KCNMB2: variants seen among roughly 807,000 people sequenced by gnomAD.
KCNMB2 encodes calcium-activated potassium channel subunit beta-2.
A neutral mutation model predicts 24.5 loss-of-function variants in KCNMB2; 9 were observed. That is an observed-to-expected ratio of 0.37 (90% confidence interval 0.22 to 0.64). The LOEUF (loss-of-function observed/expected upper bound fraction) is 0.64, where lower values mean the gene tolerates loss of function less well. Ranked by LOEUF, KCNMB2 falls within the 30% of genes least tolerant of loss-of-function variation. KCNMB2 has a pLI of 0.63. For missense variants in KCNMB2, 226 were observed against 284.3 expected, an observed-to-expected ratio of 0.79 and a Z score of 1.47; for synonymous variants, 109 against 104.4, an observed-to-expected ratio of 1.04 and a Z score of -0.27.
chr3:178,685,433 T>C (rs1467299620), intron 1 of KCNMB2, among the ~76,000 whole-genome samples: 1 of 152,204 alleles, frequency 6.6e-6, no homozygotes, highest in Non-Finnish European at 1.5e-5. Context: ...TGTTGTCTTA[T>C]AACATTAAGG....
At chr3:178,823,843 C>T (rs1414942235) in intron 2 of KCNMB2, among the ~76,000 whole-genome samples, 4 of 152,076 alleles carry the variant, frequency 2.6e-5, no homozygotes, top group Admixed American at 1.3e-4. Flanking sequence ...GCAACAAGAG[C>T]GATTAGCCAT....
intron 1 of KCNMB2, among the ~76,000 whole-genome samples, chr3:178,653,625 G>A (rs1720212562): frequency 2.0e-5 from 3 of 151,928 alleles, no homozygotes; most frequent in Admixed American, 1.3e-4. Context: ...TTCATCAAGT[G>A]TTTTTGATAT....
intron 1 of KCNMB2, among the ~76,000 whole-genome samples, chr3:178,756,800 G>A (rs946074856): frequency 1.3e-5 from 2 of 151,984 alleles, no homozygotes; most frequent in Non-Finnish European, 2.9e-5. Context: ...GGATTGCTTA[G>A]CATTGGGCTT....
chr3:178,751,573 C>CAAAAAAAA (rs61148761), intron 1 of KCNMB2, among the ~76,000 whole-genome samples: 5 of 47,712 alleles, frequency 1.0e-4, no homozygotes, highest in East Asian at 9.8e-4. Context: ...GACTCCGTCT[C>CAAAAAAAA]AAAAAAAAAA....
chr3:178,730,402 A>ACC (rs1723106700), intron 1 of KCNMB2, among the ~76,000 whole-genome samples: 3 of 73,478 alleles, frequency 4.1e-5, no homozygotes, highest in African/African-American at 1.9e-4. Context: ...ACTGTCCCCC[A>ACC]ACACCCCCCC....
At chr3:178,574,002 G>A (rs891375803) in intron 1 of KCNMB2, among the ~76,000 whole-genome samples, 1 of 152,102 alleles carries the variant, frequency 6.6e-6, no homozygotes, top group Non-Finnish European at 1.5e-5. Flanking sequence ...AGAAGCAAAT[G>A]GCATAATATA....
rs1277678939 is a variant in KCNMB2 at position 178,751,365 on chromosome 3, C to T, written c.-67-55978C>T. On this transcript the variant is annotated intron_variant, in intron 1 of 4. Coordinates refer to ENST00000452583, the MANE Select transcript of KCNMB2 (RefSeq NM_181361.3). ...AGAGGCCAAGGCAGGTGGATCACAA[C>T]GTCAGGAGTTTGAGACCAGCCTGGC... is the stretch of plus-strand genomic sequence containing the variant. 5.3e-5 allele frequency among the ~76,000 whole-genome samples: 8 copies of T among 151,732 alleles called. 1 individual carries two copies. The highest frequency in any genetic ancestry group is 4.6e-4 in the Admixed American group (7 of 15,216).
rs184336106 is a variant in KCNMB2 at position 178,742,670 on chromosome 3, C to T, written c.-67-64673C>T. ...CCCTGCACAGCAACAAGGCAGTCATCGGAGACCCCTTGTCAAAAAAATTCC... is the reference window on the plus strand; with the variant it reads ...CCCTGCACAGCAACAAGGCAGTCATTGGAGACCCCTTGTCAAAAAAATTCC... On this transcript the variant is annotated intron_variant, in intron 1 of 4. Transcript: ENST00000452583. 1.5e-3 allele frequency among the ~76,000 whole-genome samples: 222 copies of T among 152,104 alleles called. 2 individuals carry two copies. Among genetic ancestry groups the T allele is most frequent in the Non-Finnish European group, 2.5e-3 (173 of 68,022 alleles).
intron 1 of KCNMB2, among the ~76,000 whole-genome samples, chr3:178,680,253 T>G (rs1721221024): frequency 1.3e-5 from 2 of 152,104 alleles, no homozygotes; most frequent in Non-Finnish European, 2.9e-5. Context: ...AGAAGGACTG[T>G]GCCTTTTCCT....
At chr3:178,668,031 A>C (rs1313926232) in intron 1 of KCNMB2, among the ~76,000 whole-genome samples, 1 of 152,202 alleles carries the variant, frequency 6.6e-6, no homozygotes, top group Non-Finnish European at 1.5e-5. Context: ...TGGATCAGTC[A>C]TGCTGGGTTA....
At chr3:178,541,248 A>G (rs1715606229) in intron 1 of KCNMB2, among the ~76,000 whole-genome samples, 2 of 152,214 alleles carry the variant, frequency 1.3e-5, no homozygotes, top group African/African-American at 4.8e-5. Flanking sequence ...TCTGAATTTG[A>G]TCTTATCCAA....
At chr3:178,784,151 A>G (rs1161426927) in intron 1 of KCNMB2, among the ~76,000 whole-genome samples, 7 of 152,222 alleles carry the variant, frequency 4.6e-5, no homozygotes, top group Admixed American at 4.6e-4. Flanking sequence ...GTTGGACAAA[A>G]TAACCAAATC....
intron 1 of KCNMB2, among the ~76,000 whole-genome samples, chr3:178,571,207 T>C (rs1471190820): frequency 3.3e-5 from 5 of 151,882 alleles, no homozygotes; most frequent in South Asian, 2.1e-4. Flanking sequence ...GCAGAGTCTT[T>C]TGTGATTTTT....
At chr3:178,687,897 A>G (rs1436747098) in intron 1 of KCNMB2, among the ~76,000 whole-genome samples, 1 of 152,174 alleles carries the variant, frequency 6.6e-6, no homozygotes, top group African/African-American at 2.4e-5. Flanking sequence ...ACTACAAATG[A>G]ATGTAACTGA....
chr3:178,577,356 C>T (rs754375074), intron 1 of KCNMB2, among the ~76,000 whole-genome samples: 8 of 152,146 alleles, frequency 5.3e-5, no homozygotes, highest in African/African-American at 7.2e-5. Context: ...ACCAAAACCC[C>T]ATCCGAAGGT....
At chr3:178,552,027 G>A (rs952075126) in intron 1 of KCNMB2, among the ~76,000 whole-genome samples, 4 of 152,142 alleles carry the variant, frequency 2.6e-5, no homozygotes, top group East Asian at 1.9e-4. Context: ...CCAGAGCTCC[G>A]GAACCCAGAA....
rs1440042640 is a variant in KCNMB2 at position 178,696,819 on chromosome 3, TAATGA to T, written c.-67-110523_-67-110519del. On this transcript the variant is annotated intron_variant, in intron 1 of 4. Coordinates refer to ENST00000452583, the MANE Select transcript of KCNMB2 (RefSeq NM_181361.3). ...TGGTATCTTTGTTCTCAAAAGTAAA[TAATGA>T]TATTATTTACCAAAAAGTAAATTAC... Among the ~76,000 whole-genome samples the T allele has an allele frequency of 2.0e-5, 3 of 152,268 alleles. No individual in the cohort carries two copies. The East Asian group carries it at 5.8e-4, about 29-fold the overall frequency.
chr3:178,777,174 G>C (rs956680855), intron 1 of KCNMB2, among the ~76,000 whole-genome samples: 1 of 152,144 alleles, frequency 6.6e-6, no homozygotes, highest in East Asian at 1.9e-4. Flanking sequence ...GGTGGCTCAC[G>C]CCTGTAATCC....
At chr3:178,599,926 G>A (rs149614853) in intron 1 of KCNMB2, among the ~76,000 whole-genome samples, 1 of 152,196 alleles carries the variant, frequency 6.6e-6, no homozygotes, top group Non-Finnish European at 1.5e-5. Flanking sequence ...AGCCCAGGCT[G>A]GAGTCAAGTG....
Sources: gnomAD v4.1 joint callset for allele counts (sites outside exome capture counted in the v4.1 genomes callset) on GRCh38, gnomAD v4.1.1 for gene constraint, MANE v1.5 for transcripts, NCBI Gene and HGNC (gene_info 2026-07-23, HGNC 2026-07-21) for gene names.